The following OCA2 variants were observed in gnomAD, a reference collection of about 807,000 sequenced individuals.
OCA2 encodes OCA2 melanosomal transmembrane protein.
A neutral mutation model predicts 100.2 loss-of-function variants in OCA2; 77 were observed. That is an observed-to-expected ratio of 0.77 (90% confidence interval 0.64 to 0.93). The LOEUF is 0.93. OCA2 is among the 40% of genes least tolerant of loss of function. The pLI is 0.00. For synonymous variants in OCA2, 432 were observed against 439.2 expected, an observed-to-expected ratio of 0.98 and a Z score of 0.21; for missense variants, 1,062 against 1,089.1, an observed-to-expected ratio of 0.98 and a Z score of 0.35.
chr15:28,054,414 A>G (rs1238421009), intron 2 of OCA2, among the ~76,000 whole-genome samples: 1 of 152,212 alleles, frequency 6.6e-6, no homozygotes, highest in Admixed American at 6.5e-5. Context: ...CAGGCACAGC[A>G]GCATGTTTGT....
chr15:27,807,956 G>A (rs2033924362), intron 23 of OCA2, among the ~76,000 whole-genome samples: 1 of 152,230 alleles, frequency 6.6e-6, no homozygotes, highest in Non-Finnish European at 1.5e-5. Context: ...TTTACTGACA[G>A]CACTCCTTGC....
At chr15:27,988,198 G>C (rs1451093102) in intron 11 of OCA2, among the ~76,000 whole-genome samples, 1 of 151,794 alleles carries the variant, frequency 6.6e-6, no homozygotes, top group Admixed American at 6.6e-5. Flanking sequence ...GGGGAGAAGA[G>C]GCAGGGACCT....
At chr15:27,777,761 G>A (rs1239630225) in intron 23 of OCA2, among the ~76,000 whole-genome samples, 1 of 152,190 alleles carries the variant, frequency 6.6e-6, no homozygotes, top group Non-Finnish European at 1.5e-5. Flanking sequence ...GCCTGGCCTG[G>A]TGGCTCAGAG....
intron 23 of OCA2, among the ~76,000 whole-genome samples, chr15:27,804,798 C>G (rs1034801641): frequency 6.6e-6 from 1 of 152,234 alleles, no homozygotes; most frequent in Non-Finnish European, 1.5e-5. Flanking sequence ...TGGGAACCAC[C>G]AGCGTCCTGC....
intron 21 of OCA2, among the ~76,000 whole-genome samples, chr15:27,853,059 T>C (rs1274363066): frequency 7.5e-5 from 10 of 133,346 alleles, no homozygotes; most frequent in Admixed American, 2.4e-4. Flanking sequence ...TTGACCCAGC[T>C]ATCCCATTAC....
rs114665484 is a variant in OCA2 at position 28,032,889 on chromosome 15, C to T, written c.228-726G>A. On this transcript the variant is annotated intron_variant, in intron 2 of 23. Coordinates refer to ENST00000354638, the MANE Select transcript of OCA2 (RefSeq NM_000275.3). ...ATTTCCTAAAATCACAAGCAGTTCA[C>T]ATTTAAAATATCCTAATGGCGTCCA... Among the ~76,000 whole-genome samples the T allele has an allele frequency of 5.1e-3, 778 of 152,102 alleles. 9 individuals carry two copies. The highest frequency in any genetic ancestry group is 0.017 in the African/African-American group (717 of 41,506).
chr15:27,804,478 G>C (rs184235667), intron 23 of OCA2, among the ~76,000 whole-genome samples: 1 of 152,172 alleles, frequency 6.6e-6, no homozygotes, highest in Admixed American at 6.5e-5. Context: ...GCCCTATTTC[G>C]CGTGGATGGA....
intron 12 of OCA2, 141 bp downstream of exon 12, chr15:27,986,446 G>GC: frequency 6.0e-6 from 4 of 665,262 alleles, no homozygotes; most frequent in Non-Finnish European, 8.1e-6. Context: ...AGTATACCCT[G>GC]CCCTGCAGAA....
At chr15:27,870,388 T>C (rs893158767) in intron 21 of OCA2, among the ~76,000 whole-genome samples, 2 of 152,198 alleles carry the variant, frequency 1.3e-5, no homozygotes, top group South Asian at 2.1e-4. Context: ...TGCAAGCCCC[T>C]GGGCCTATCT....
At chr15:27,777,063 A>C (rs1489473210) in intron 23 of OCA2, among the ~76,000 whole-genome samples, 4 of 151,822 alleles carry the variant, frequency 2.6e-5, no homozygotes, top group African/African-American at 9.7e-5. Context: ...ACACATCCCC[A>C]TCGGCGCCCA....
intron 22 of OCA2, among the ~76,000 whole-genome samples, chr15:27,850,444 T>C (rs1369682240): frequency 1.3e-5 from 2 of 152,162 alleles, no homozygotes; most frequent in Non-Finnish European, 2.9e-5. Flanking sequence ...ATCCTGTTCC[T>C]TATTGTTGAT....
chr15:27,787,437 TC>T (rs1226422939), intron 23 of OCA2, among the ~76,000 whole-genome samples: 1 of 152,088 alleles, frequency 6.6e-6, no homozygotes, highest in African/African-American at 2.4e-5. Flanking sequence ...GTTATAAGAC[TC>T]TTCCTATTTT....
At chr15:28,009,056 G>C (rs2042164168) in intron 9 of OCA2, among the ~76,000 whole-genome samples, 1 of 152,216 alleles carries the variant, frequency 6.6e-6, no homozygotes, top group South Asian at 2.1e-4. Flanking sequence ...TGCAATGTTG[G>C]CTCCACTGCT....
chr15:28,003,402 G>A (rs1395753332), intron 9 of OCA2, among the ~76,000 whole-genome samples: 1 of 152,240 alleles, frequency 6.6e-6, no homozygotes, highest in Non-Finnish European at 1.5e-5. Flanking sequence ...TGGTTCAGAC[G>A]AAAGATGGCT....
At chr15:27,850,577 T>C (rs953588874) in intron 22 of OCA2, among the ~76,000 whole-genome samples, 1 of 152,166 alleles carries the variant, frequency 6.6e-6, no homozygotes, top group Non-Finnish European at 1.5e-5. Flanking sequence ...TTACATGAAT[T>C]AGCTGGCTGC....
chr15:28,045,036 A>C (rs1172204963), intron 2 of OCA2, among the ~76,000 whole-genome samples: 1 of 152,200 alleles, frequency 6.6e-6, no homozygotes, highest in Non-Finnish European at 1.5e-5. Context: ...ATTCACATAT[A>C]ATGTGATTAG....
At position 27,980,214 on chromosome 15, in the gene OCA2, G is replaced by A. The variant is rs138419746; in HGVS notation, c.1503+3131C>T. On this transcript the variant is annotated intron_variant, in intron 14 of 23. Transcript: ENST00000354638. The stretch of plus-strand genomic sequence containing the variant: ...ACGATCTCGGCTCGCTGCAAGCTCC[G>A]CCTCATGGGTTCACGCCATTCTCCT... Among the ~76,000 whole-genome samples, 1,060 of 151,872 alleles carry A rather than the reference G, an allele frequency of 7.0e-3. 18 individuals carry two copies. Among genetic ancestry groups the A allele is most frequent in the African/African-American group, 0.024 (980 of 41,418 alleles).
chr15:28,046,707 A>C (rs2043359153), intron 2 of OCA2, among the ~76,000 whole-genome samples: 1 of 152,206 alleles, frequency 6.6e-6, no homozygotes, highest in Non-Finnish European at 1.5e-5. Flanking sequence ...CTGGTGCTGA[A>C]TAATGACCAC....
intron 21 of OCA2, among the ~76,000 whole-genome samples, chr15:27,864,253 G>A (rs144636349): frequency 7.2e-5 from 11 of 152,228 alleles, no homozygotes; most frequent in African/African-American, 2.2e-4. Context: ...CTTGCACAAT[G>A]GCAGAGTTGG....
Sources: gnomAD v4.1 joint callset for allele counts (sites outside exome capture counted in the v4.1 genomes callset) on GRCh38, gnomAD v4.1.1 for gene constraint, MANE v1.5 for transcripts, NCBI Gene and HGNC (gene_info 2026-07-23, HGNC 2026-07-21) for gene names.